BICC1: variants seen among roughly 807,000 people sequenced by gnomAD.
BICC1 encodes protein bicaudal C homolog 1.
A neutral mutation model predicts 111.0 loss-of-function variants in BICC1; 43 were observed. That is an observed-to-expected ratio of 0.39 (90% CI 0.30 to 0.50). The LOEUF is 0.50. Among genes scored for constraint, BICC1 ranks in the 20% least tolerant of loss-of-function variants. The pLI is 0.88. For missense variants in BICC1, 1,091 were observed against 1,203.2 expected (o/e 0.91, Z 1.38); for synonymous variants, 467 against 434.4 (o/e 1.07, Z -0.93).
At chr10:58,580,048 C>G (rs1173553673) in intron 1 of BICC1, among the ~76,000 whole-genome samples, 2 of 143,408 alleles carry the variant, frequency 1.4e-5, no homozygotes, top group Non-Finnish European at 3.0e-5. Flanking sequence ...TTTTTCCAGA[C>G]AGAATCTTGC....
chr10:58,513,773 A>G (rs1842165379), intron 1 of BICC1, among the ~76,000 whole-genome samples: 1 of 152,104 alleles, frequency 6.6e-6, no homozygotes, highest in African/African-American at 2.4e-5. Context: ...GTCAGTATCC[A>G]CTTCCTCCAG....
intron 1 of BICC1, among the ~76,000 whole-genome samples, chr10:58,589,958 C>A (rs1844555959): frequency 6.6e-6 from 1 of 151,992 alleles, no homozygotes; most frequent in South Asian, 2.1e-4. Context: ...TATGCACACC[C>A]CTTTGCCTGG....
At chr10:58,611,728 G>T (rs1845428801) in intron 1 of BICC1, among the ~76,000 whole-genome samples, 1 of 151,906 alleles carries the variant, frequency 6.6e-6, no homozygotes. Context: ...GACCTCAGGT[G>T]ATCCTCCCAC....
At chr10:58,627,386 A>G (rs1277346805) in intron 2 of BICC1, among the ~76,000 whole-genome samples, 1 of 152,226 alleles carries the variant, frequency 6.6e-6, no homozygotes, top group African/African-American at 2.4e-5. Context: ...CATTAGTTTA[A>G]AAAGGTTTGT....
rs767859005 is a variant in BICC1, at chr10:58,793,576, C to T, written c.1140C>T (p.Val380=). ...CGCAGTTGATGGAACAGCTTGATGTCTTCATCAGTATTAAACCAAAGCCCA... is the reference window on the plus strand; with the variant it reads ...CGCAGTTGATGGAACAGCTTGATGTTTTCATCAGTATTAAACCAAAGCCCA... ...FIAQLMEQLD[V]FISIKPKPKQ... is the part of the protein sequence containing the mutation. Residue 380 remains valine (V), a synonymous_variant, in exon 9 of 21, where the codon GTC becomes GTT. Transcript: ENST00000373886. The T allele has an allele frequency of 2.5e-6, 4 of 1,613,870 alleles. No homozygotes were observed. In the South Asian group the frequency reaches 4.4e-5, roughly 18 times the overall value.
At chr10:58,742,163 T>TG (rs1047749739) in intron 3 of BICC1, among the ~76,000 whole-genome samples, 11 of 152,326 alleles carry the variant, frequency 7.2e-5, no homozygotes, top group African/African-American at 1.2e-4. Flanking sequence ...TGAAAACTTG[T>TG]TTTTTTCCTA....
intron 3 of BICC1, among the ~76,000 whole-genome samples, chr10:58,702,835 A>G (rs1421113451): frequency 6.6e-6 from 1 of 152,228 alleles, no homozygotes; most frequent in Non-Finnish European, 1.5e-5. Flanking sequence ...ATGCAGATGC[A>G]TGTAGTTGTC....
chr10:58,527,961 T>C (rs1318364416), intron 1 of BICC1, among the ~76,000 whole-genome samples: 1 of 151,880 alleles, frequency 6.6e-6, no homozygotes, highest in Admixed American at 6.6e-5. Context: ...TCATGTAGGG[T>C]TATGATAACA....
intron 1 of BICC1, among the ~76,000 whole-genome samples, chr10:58,540,097 G>A (rs1372010333): frequency 6.6e-6 from 1 of 151,726 alleles, no homozygotes; most frequent in Non-Finnish European, 1.5e-5. Flanking sequence ...ACACAACATA[G>A]CACAACACAT....
chr10:58,830,645 G>T lies in BICC1; in HGVS notation c.*1754G>T, dbSNP rs971093870. 2 of 152,152 alleles carry T rather than the reference G, an allele frequency of 1.3e-5. No homozygotes were observed. Among genetic ancestry groups the T allele is most frequent in the Non-Finnish European group, 2.9e-5 (2 of 68,020 alleles). The allele number at this position is 152,152 out of a possible 1,614,324, so 9.4% of individuals were successfully genotyped here. A position where few individuals can be genotyped will look rare whatever the true frequency, so the allele number is the denominator to read the frequency against. On this transcript the variant is annotated 3_prime_UTR_variant, in exon 21 of 21. Coordinates refer to ENST00000373886, the MANE Select transcript of BICC1 (RefSeq NM_001080512.3). ...AAAAATGGTATTGGTTACCTTGAAG[G>T]CATAGATAATGGGCCTGTCATAAAA... is the stretch of plus-strand genomic sequence containing the variant.
chr10:58,564,972 ATTAT>A (rs1020550102), intron 1 of BICC1, among the ~76,000 whole-genome samples: 6 of 152,134 alleles, frequency 3.9e-5, no homozygotes, highest in African/African-American at 1.4e-4. Context: ...TTTTTTTAAA[ATTAT>A]TTGATTTACC....
intron 1 of BICC1, among the ~76,000 whole-genome samples, chr10:58,596,235 C>T (rs531336762): frequency 1.2e-4 from 18 of 152,234 alleles, no homozygotes; most frequent in South Asian, 4.2e-4. Flanking sequence ...GGCTTTGCCC[C>T]TGGGATGCAA....
chr10:58,683,127 T>C (rs1310561973), intron 2 of BICC1, among the ~76,000 whole-genome samples: 3 of 152,222 alleles, frequency 2.0e-5, no homozygotes, highest in Non-Finnish European at 4.4e-5. Flanking sequence ...CAGCACCATT[T>C]ATTAAATAGG....
At chr10:58,611,935 AAAATT>A (rs1257740083) in intron 1 of BICC1, among the ~76,000 whole-genome samples, 12 of 152,256 alleles carry the variant, frequency 7.9e-5, no homozygotes, top group Middle Eastern at 3.2e-3. Flanking sequence ...TGTTAAGAGA[AAAATT>A]ATATTTATTT....
chr10:58,720,230 A>C (rs1343152650), intron 3 of BICC1, among the ~76,000 whole-genome samples: 1 of 152,180 alleles, frequency 6.6e-6, no homozygotes, highest in African/African-American at 2.4e-5. Context: ...GTTTCTTAAA[A>C]TTCTCCAGTT....
Position 58,830,005 on chromosome 10 carries a change from G to A in BICC1, c.*1114G>A, listed in dbSNP as rs1844511613. ...AGAAATAGATTACAATCCTTATCAT[G>A]TACACGTTAGCTATGTTCCGTATGG... On this transcript the variant is annotated 3_prime_UTR_variant, in exon 21 of 21. Transcript: ENST00000373886. 6.6e-6 allele frequency: 1 copy of A among 151,976 alleles called. No individual in the cohort carries two copies. The highest frequency in any genetic ancestry group is 2.4e-5 in the African/African-American group (1 of 41,404). The allele number at this position is 151,976 out of a possible 1,614,324, so 9.4% of individuals were successfully genotyped here.
chr10:58,576,119 T>C (rs1171610554), intron 1 of BICC1, among the ~76,000 whole-genome samples: 2 of 152,206 alleles, frequency 1.3e-5, no homozygotes, highest in African/African-American at 4.8e-5. Flanking sequence ...CCTAATTAAC[T>C]GTGTTTACAC....
intron 1 of BICC1, among the ~76,000 whole-genome samples, chr10:58,577,196 T>C (rs1844138837): frequency 6.6e-6 from 1 of 151,964 alleles, no homozygotes; most frequent in African/African-American, 2.4e-5. Flanking sequence ...ACAGGGGAGG[T>C]TCCTTTTCAC....
chr10:58,721,474 A>T (rs1376731204), intron 3 of BICC1, among the ~76,000 whole-genome samples: 12 of 152,216 alleles, frequency 7.9e-5, no homozygotes, highest in Admixed American at 7.9e-4. Context: ...TGAAAAAATG[A>T]CTACAGTCAT....
Sources: allele counts gnomAD v4.1 joint callset (sites outside exome capture counted in the v4.1 genomes callset), GRCh38; gene constraint gnomAD v4.1.1; transcripts MANE v1.5; gene names NCBI Gene and HGNC (gene_info 2026-07-23, HGNC 2026-07-21).